The following SCAF8 variants were observed in gnomAD, a reference collection of about 807,000 sequenced individuals.
SCAF8 encodes SR-related CTD associated factor 8.
SCAF8 carries 23 observed loss-of-function variants against 140.5 expected under a neutral mutation model. The ratio of observed to expected loss-of-function variants is 0.16; its 90% CI spans 0.12 to 0.23. SCAF8 has a LOEUF of 0.23. SCAF8 is among the 10% of genes least tolerant of loss of function. The pLI, the probability that SCAF8 is intolerant of heterozygous loss-of-function variation, is 1.00. For missense variants in SCAF8, 1,397 were observed against 1,555.7 expected (o/e 0.90, Z 1.72); for synonymous variants, 575 against 528.9 (o/e 1.09, Z -1.20).
rs575906818 is a variant in SCAF8, at chr6:154,740,167, CACTA to C, written c.30+6240_30+6243del. On this transcript the variant is annotated intron_variant, in intron 1 of 19. Coordinates refer to ENST00000367178, the MANE Select transcript of SCAF8 (RefSeq NM_014892.5). The stretch of plus-strand genomic sequence containing the variant: ...AGTATTATAAAGGAAGGAAGTCTTT[CACTA>C]ACCCCTTTCTGCTCATATGAGAACC... Among the ~76,000 whole-genome samples the C allele has an allele frequency of 6.3e-4, 96 of 152,210 alleles. No homozygotes were observed. The South Asian group carries it at 0.017, about 26-fold the overall frequency.
chr6:154,809,994 T>C (rs1359483911), intron 11 of SCAF8, 21 bp from the exon 12 acceptor site: 2 of 1,578,974 alleles, frequency 1.3e-6, no homozygotes, highest in Non-Finnish European at 1.7e-6. Context: ...TCATTAGAAG[T>C]AAAATGAAAA....
rs751772890 is a variant in SCAF8, at chr6:154,833,180, G to A, written c.3601G>A (p.Gly1201Arg). 20 of 1,614,068 alleles carry A rather than the reference G, an allele frequency of 1.2e-5. No homozygotes were observed. The South Asian group carries it at 2.1e-4, about 17-fold the overall frequency. ...PHARVFDYFE[G>R]ATSQRKGDNV... The stretch of plus-strand genomic sequence containing the variant: ...TGCTCGGGTTTTTGATTATTTTGAA[G>A]GGGCCACTTCTCAACGAAAAGGTGA... The change falls in exon 20 of 20, where the codon GGG (glycine) becomes AGG (arginine). Residue 1201 changes from glycine (G) to arginine (R), a missense_variant. By Grantham distance (125) the Gly-to-Arg change is moderately radical. This residue lies in a region of SCAF8 where 930 missense variants were observed against 874.6 expected (regional missense o/e 1.06). Transcript: ENST00000367178.
intron 1 of SCAF8, among the ~76,000 whole-genome samples, chr6:154,758,034 C>T (rs1024327268): frequency 5.9e-5 from 9 of 151,832 alleles, no homozygotes; most frequent in African/African-American, 2.2e-4. Flanking sequence ...CCTCAGCCTC[C>T]TCAGCAGCTA....
intron 3 of SCAF8, among the ~76,000 whole-genome samples, chr6:154,785,570 G>A (rs571013730): frequency 6.6e-6 from 1 of 152,248 alleles, no homozygotes; most frequent in African/African-American, 2.4e-5. Context: ...ATTATTCAGT[G>A]CTTTGCAGGT....
chr6:154,748,594 T>C lies in SCAF8; in HGVS notation c.30+14664T>C, dbSNP rs953662160. ...AATTTGCCTTTGTAAAGATTATTAA[T>C]ATATTTGGCTTTTCTTTAACATCAA... On this transcript the variant is annotated intron_variant, in intron 1 of 19. Transcript: ENST00000367178. Among the ~76,000 whole-genome samples, 6 of 152,216 alleles carry C rather than the reference T, an allele frequency of 3.9e-5. 1 individual carries two copies. Among genetic ancestry groups the C allele is most frequent in the Non-Finnish European group, 7.3e-5 (5 of 68,032 alleles).
rs1778825661 is a variant in SCAF8 at position 154,833,954 on chromosome 6, C to T, written c.*559C>T. The T allele has an allele frequency of 6.6e-6, 1 of 152,000 alleles. No homozygotes were observed. Among genetic ancestry groups the T allele is most frequent in the African/African-American group, 2.4e-5 (1 of 41,400 alleles). 9.4% of individuals were successfully genotyped at this position (152,000 alleles called of 1,614,324 possible). A position where few individuals can be genotyped will look rare whatever the true frequency, so the allele number is the denominator to read the frequency against. On this transcript the variant is annotated 3_prime_UTR_variant, in exon 20 of 20. Transcript: ENST00000367178. ...TGTTTGTGATTTGTTCCTCATACTG[C>T]AGTGAGTAAAAAAGAAACAAGAAAA...
chr6:154,790,820 T>C (rs575567342), intron 4 of SCAF8, among the ~76,000 whole-genome samples: 54 of 152,254 alleles, frequency 3.5e-4, no homozygotes, highest in African/African-American at 1.3e-3. Flanking sequence ...TCTTTTTTCG[T>C]ACTTGATTTT....
Position 154,733,874 on chromosome 6 carries a change from C to A in SCAF8, c.-27C>A. On this transcript the variant is annotated 5_prime_UTR_variant, in exon 1 of 20. Transcript: ENST00000367178. ...CAGTGGCCGCCGCCTCTTCCGCCGC[C>A]GGGCTCGGGGCCTCCGCAGCGACAA... is the stretch of plus-strand genomic sequence containing the variant. 6.5e-7 allele frequency: 1 copy of A among 1,544,612 alleles called. No homozygotes were observed. The highest frequency in any genetic ancestry group is 1.7e-4 in the Middle Eastern group (1 of 5,790).
chr6:154,734,036 G>T (rs1778339871), intron 1 of SCAF8, 106 bp downstream of exon 1: 3 of 1,406,878 alleles, frequency 2.1e-6, no homozygotes, highest in Non-Finnish European at 9.3e-7. Context: ...TTTTAAGGGT[G>T]GGGTGAGCGG....
At chr6:154,803,475 A>G in intron 7 of SCAF8, 69 bp from the exon 8 acceptor site, 2 of 1,044,798 alleles carry the variant, frequency 1.9e-6, no homozygotes, top group African/African-American at 1.6e-5. Flanking sequence ...TGACATTTAA[A>G]ATAGCATTTG....
chr6:154,802,196 T>C (rs1249877814), intron 7 of SCAF8, 49 bp downstream of exon 7: 4 of 1,113,740 alleles, frequency 3.6e-6, no homozygotes, highest in Non-Finnish European at 5.0e-6. Context: ...TTAAATATTA[T>C]ATACTATCAT....
Position 154,832,712 on chromosome 6 carries a change from C to A in SCAF8, c.3133C>A (p.Pro1045Thr), listed in dbSNP as rs760964961. Reference sequence around the variant, plus strand: ...AGATGTGGTTGGGCGGCCTATAGATCCAAGAGAAGGTCCTGGACGGCCTCC... The same window carrying A: ...AGATGTGGTTGGGCGGCCTATAGATACAAGAGAAGGTCCTGGACGGCCTCC... ...VRDVVGRPID[P>T]REGPGRPPLD... is the part of the protein sequence containing the mutation. Residue 1045 changes from proline (P) to threonine (T), a missense_variant, in exon 20 of 20, where the codon CCA (proline) becomes ACA (threonine). Coordinates refer to ENST00000367178, the MANE Select transcript of SCAF8 (RefSeq NM_014892.5). 6.2e-7 allele frequency: 1 copy of A among 1,613,892 alleles called. No individual in the cohort carries two copies. Among genetic ancestry groups the A allele is most frequent in the South Asian group, 1.1e-5 (1 of 91,068 alleles).
intron 16 of SCAF8, among the ~76,000 whole-genome samples, chr6:154,822,912 G>A (rs929860108): frequency 5.9e-5 from 9 of 152,108 alleles, no homozygotes; most frequent in East Asian, 1.9e-4. Context: ...GACAGAAAAC[G>A]TAAAATAAAT....
At chr6:154,742,144 AT>A in intron 1 of SCAF8, 1 of 612,144 alleles carries the variant, frequency 1.6e-6, no homozygotes, top group Non-Finnish European at 2.9e-6. Flanking sequence ...GTCACTTAGA[AT>A]AGATTGGTAG....
chr6:154,786,221 G>C (rs766873282), intron 3 of SCAF8, among the ~76,000 whole-genome samples: 1 of 152,218 alleles, frequency 6.6e-6, no homozygotes, highest in Non-Finnish European at 1.5e-5. Context: ...GGTCAGGTTG[G>C]AGATGGAATC....
At chr6:154,760,620 A>G (rs1418125659) in intron 1 of SCAF8, among the ~76,000 whole-genome samples, 3 of 152,314 alleles carry the variant, frequency 2.0e-5, no homozygotes, top group South Asian at 2.1e-4. Flanking sequence ...CTAAAAGCAG[A>G]TTAAGTTTCA....
intron 1 of SCAF8, among the ~76,000 whole-genome samples, chr6:154,772,531 CAT>C (rs900305781): frequency 1.2e-4 from 18 of 152,060 alleles, no homozygotes; most frequent in Non-Finnish European, 5.9e-5. Flanking sequence ...CTCTACAAAA[CAT>C]ATAAAAATTA....
At position 154,733,647 on chromosome 6, in the gene SCAF8, G is replaced by T; in HGVS notation, c.-254G>T. 2.8e-6 allele frequency: 2 copies of T among 722,214 alleles called. No individual in the cohort carries two copies. Among genetic ancestry groups the T allele is most frequent in the Non-Finnish European group, 3.5e-6 (2 of 575,304 alleles). The allele number at this position is 722,214 out of a possible 1,614,324, so 44.7% of individuals were successfully genotyped here. Reference sequence around the variant, plus strand: ...CCCCTCCCCCGCCCGCCGCCGACCCGCCCCGGCAGCGCCTCTGTTCCCTAG... The same window carrying T: ...CCCCTCCCCCGCCCGCCGCCGACCCTCCCCGGCAGCGCCTCTGTTCCCTAG... On this transcript the variant is annotated 5_prime_UTR_variant, in exon 1 of 20. Coordinates refer to ENST00000367178, the MANE Select transcript of SCAF8 (RefSeq NM_014892.5).
intron 3 of SCAF8, among the ~76,000 whole-genome samples, chr6:154,782,378 C>T (rs956877101): frequency 6.6e-6 from 1 of 152,054 alleles, no homozygotes; most frequent in Non-Finnish European, 1.5e-5. Context: ...ATCATTGTGC[C>T]ACTGCACTCT....
Sources: allele counts gnomAD v4.1 joint callset (sites outside exome capture counted in the v4.1 genomes callset), GRCh38; gene constraint gnomAD v4.1.1; regional missense constraint gnomAD v4.1.1; transcripts MANE v1.5; gene names NCBI Gene and HGNC (gene_info 2026-07-23, HGNC 2026-07-21).